RDH12: variants seen among roughly 807,000 people sequenced by gnomAD.
The protein encoded by RDH12 is retinol dehydrogenase 12.
RDH12 carries 21 observed loss-of-function variants against 34.0 expected under a neutral mutation model. The ratio of observed to expected loss-of-function variants is 0.62; its 90% CI spans 0.44 to 0.89. RDH12 has a LOEUF of 0.89. RDH12 is among the 40% of genes least tolerant of loss of function. The pLI, the probability that RDH12 is intolerant of heterozygous loss-of-function variation, is 0.00. For synonymous variants in RDH12, 198 were observed against 169.9 expected (o/e 1.17, Z -1.29); for missense variants, 394 against 398.6 (o/e 0.99, Z 0.10).
At chr14:67,731,819 G>T (rs1245528842) in intron 8 of RDH12, among the ~76,000 whole-genome samples, 1 of 151,816 alleles carries the variant, frequency 6.6e-6, no homozygotes, top group Non-Finnish European at 1.5e-5. Flanking sequence ...TTTTATTCTA[G>T]GTGTTTTTTT....
At chr14:67,707,919 G>C (rs528756820) in intron 1 of RDH12, among the ~76,000 whole-genome samples, 1 of 152,206 alleles carries the variant, frequency 6.6e-6, no homozygotes, top group African/African-American at 2.4e-5. Flanking sequence ...TTTTCCAAGG[G>C]GCTATCTTGG....
rs1277596644 is a variant in RDH12 at position 67,722,593 on chromosome 14, T to C, written c.-50T>C. The C allele has an allele frequency of 6.6e-7, 1 of 1,523,564 alleles. No homozygotes were observed. The highest frequency in any genetic ancestry group is 2.3e-5 in the East Asian group (1 of 44,394). The allele number at this position is 1,523,564 out of a possible 1,614,324, so 94.4% of individuals were successfully genotyped here. ...CCAGGAACCTGAGCCAGAGCTGGGG[T>C]TGAAGCTGGAGCAGCAGCAAAAGCA... On this transcript the variant is annotated 5_prime_UTR_variant, in exon 3 of 9. Transcript: ENST00000551171.
chr14:67,713,335 C>T (rs982555527), intron 1 of RDH12, among the ~76,000 whole-genome samples: 1 of 145,862 alleles, frequency 6.9e-6, no homozygotes, highest in South Asian at 2.2e-4. Flanking sequence ...AAGGAGTTAC[C>T]TGCTTTCCAT....
intron 2 of RDH12, among the ~76,000 whole-genome samples, chr14:67,721,949 G>A (rs935314227): frequency 1.3e-5 from 2 of 152,174 alleles, no homozygotes; most frequent in Non-Finnish European, 2.9e-5. Context: ...GCATGTGCGT[G>A]TGTTAACTTC....
At chr14:67,728,043 C>A (rs1368894760) in intron 7 of RDH12, 1 of 152,262 alleles carries the variant, frequency 6.6e-6, no homozygotes, top group Non-Finnish European at 1.5e-5. Context: ...TTAACCTCCC[C>A]TGACTTCATC....
At chr14:67,717,584 G>C (rs2038081456) in intron 1 of RDH12, among the ~76,000 whole-genome samples, 1 of 152,212 alleles carries the variant, frequency 6.6e-6, no homozygotes, top group Non-Finnish European at 1.5e-5. Flanking sequence ...ACATTCTGGA[G>C]GGCAGTGGTT....
intron 8 of RDH12, among the ~76,000 whole-genome samples, chr14:67,732,936 T>A (rs2038302800): frequency 6.6e-6 from 1 of 152,076 alleles, no homozygotes; most frequent in African/African-American, 2.4e-5. Flanking sequence ...TTTACAGGAC[T>A]TTTATAATTA....
rs553454584 is a variant in RDH12 at position 67,713,729 on chromosome 14, G to A, written c.-274-7119G>A. ...CCAAGACACAGCCTCAGGAGGTCCT[G>A]ACGACATGTGTCCAGGATGGTCAGA... is the stretch of plus-strand genomic sequence containing the variant. On this transcript the variant is annotated intron_variant, in intron 1 of 8. Coordinates refer to ENST00000551171, the MANE Select transcript of RDH12 (RefSeq NM_152443.3). 1.1e-4 allele frequency among the ~76,000 whole-genome samples: 16 copies of A among 152,330 alleles called. 1 individual carries two copies. The highest frequency in any genetic ancestry group is 2.6e-4 in the African/African-American group (11 of 41,566).
At chr14:67,709,313 A>C (rs1594859323) in intron 1 of RDH12, among the ~76,000 whole-genome samples, 4 of 152,376 alleles carry the variant, frequency 2.6e-5, no homozygotes, top group Admixed American at 2.6e-4. Context: ...TTAATTTTCC[A>C]AACAATAAGC....
chr14:67,728,703 TGG>T (rs142252701), intron 7 of RDH12, among the ~76,000 whole-genome samples: 2 of 142,154 alleles, frequency 1.4e-5, no homozygotes, highest in Admixed American at 7.0e-5. Flanking sequence ...GGATATCTTG[TGG>T]GGGGGGGGTG....
chr14:67,725,135 AG>A lies in RDH12; in HGVS notation c.229del (p.Glu77SerfsTer46). Reference sequence around the variant, plus strand: ...TATATTGCCTGCAGAGATGTACTGAAGGGGGAGTCTGCTGCCAGTGAAATCC... The same window carrying A: ...TATATTGCCTGCAGAGATGTACTGAAGGGGAGTCTGCTGCCAGTGAAATCC... Reference protein sequence around the residue: ...RVYIACRDVLKGESAASEIRV... With the variant: ...RVYIACRDVLXGESAASEIRV... On this transcript the variant is annotated frameshift_variant, in exon 5 of 9. Coordinates refer to ENST00000551171, the MANE Select transcript of RDH12 (RefSeq NM_152443.3). LOFTEE classifies it high-confidence loss of function. 6.2e-7 allele frequency: 1 copy of A among 1,614,166 alleles called. No individual in the cohort carries two copies. The highest frequency in any genetic ancestry group is 8.5e-7 in the Non-Finnish European group (1 of 1,180,018).
At position 67,726,207 on chromosome 14, in the gene RDH12, T is replaced by C. The variant is rs763679188; in HGVS notation, c.448+52T>C. The C allele has an allele frequency of 7.6e-6, 8 of 1,054,402 alleles. No homozygotes were observed. In the African/African-American group the frequency reaches 9.4e-5, roughly 12 times the overall value. 65.3% of individuals were successfully genotyped at this position (1,054,402 alleles called of 1,614,324 possible). On this transcript the variant is annotated intron_variant, in intron 6 of 8. Coordinates refer to ENST00000551171, the MANE Select transcript of RDH12 (RefSeq NM_152443.3). The stretch of plus-strand genomic sequence containing the variant: ...TGAGGTACACCCACTATCTTTTCTT[T>C]AGGAAGATGACACTGTGTAAATGTG...
At chr14:67,725,810 T>C (rs2038178083) in intron 5 of RDH12, among the ~76,000 whole-genome samples, 1 of 152,142 alleles carries the variant, frequency 6.6e-6, no homozygotes, top group Non-Finnish European at 1.5e-5. Context: ...AATTACTCAT[T>C]AGAAACCCAG....
chr14:67,720,642 T>A (rs1049379455), intron 1 of RDH12, among the ~76,000 whole-genome samples: 1 of 152,238 alleles, frequency 6.6e-6, no homozygotes, highest in Non-Finnish European at 1.5e-5. Flanking sequence ...TTTGGGTCTA[T>A]TTCTTGCCTT....
Position 67,729,207 on chromosome 14 carries a change from C to T in RDH12, c.675C>T (p.Thr225=). ...TTGTCCCAGGCACCGGGGTCACCAC[C>T]TACGCAGTGCACCCAGGCGTCGTCC... ...AKRLQGTGVT[T]YAVHPGVVRS... The change falls in exon 8 of 9, where the codon ACC becomes ACT. Residue 225 remains threonine (T), a synonymous_variant. Transcript: ENST00000551171. 1 of 1,612,690 alleles carries T rather than the reference C, an allele frequency of 6.2e-7. No homozygotes were observed. Among genetic ancestry groups the T allele is most frequent in the Non-Finnish European group, 8.5e-7 (1 of 1,180,002 alleles).
At chr14:67,704,114 T>A (rs2037928189) in intron 1 of RDH12, among the ~76,000 whole-genome samples, 1 of 152,242 alleles carries the variant, frequency 6.6e-6, no homozygotes, top group South Asian at 2.1e-4. Context: ...CCCCTTGTTT[T>A]AAATTTAAAT....
intron 1 of RDH12, among the ~76,000 whole-genome samples, chr14:67,720,351 A>G (rs545750250): frequency 1.3e-5 from 2 of 152,120 alleles, no homozygotes; most frequent in Non-Finnish European, 2.9e-5. Flanking sequence ...TGCCTTGTGT[A>G]TGATGGTTTT....
At chr14:67,733,711 A>T (rs750085707) in intron 8 of RDH12, 35 bp from the exon 9 acceptor site, 1 of 1,420,304 alleles carries the variant, frequency 7.0e-7, no homozygotes, top group Non-Finnish European at 1.0e-6. Context: ...GCTAATTCTC[A>T]TTCCTGGAAT....
intron 3 of RDH12, among the ~76,000 whole-genome samples, chr14:67,724,184 A>G (rs1348570376): frequency 6.6e-6 from 1 of 152,242 alleles, no homozygotes; most frequent in Admixed American, 6.5e-5. Context: ...TTTATTATCT[A>G]ACAAGGAAAG....
Sources: gnomAD v4.1 joint callset for allele counts (sites outside exome capture counted in the v4.1 genomes callset) on GRCh38, gnomAD v4.1.1 for gene constraint, MANE v1.5 for transcripts, NCBI Gene and HGNC (gene_info 2026-07-23, HGNC 2026-07-21) for gene names.